Variants in GABRA5 observed in about 807,000 individuals in gnomAD.
GABRA5 encodes the protein gamma-aminobutyric acid type A receptor subunit alpha5.
In GABRA5, 18 loss-of-function variants were observed where a neutral mutation model predicts 47.3. That is an observed-to-expected ratio of 0.38 (90% CI 0.26 to 0.56). GABRA5 has a LOEUF of 0.56. GABRA5 is among the 20% of genes least tolerant of loss of function. The probability of loss-of-function intolerance (pLI) is 0.71; values close to 1 mark genes in which losing one functional copy is unlikely to be tolerated. For missense variants in GABRA5, 365 were observed against 599.3 expected (o/e 0.61, Z 4.08); for synonymous variants, 237 against 229.3 (o/e 1.03, Z -0.30).
At chr15:26,936,822 T>G (rs1894254509) in intron 7 of GABRA5, among the ~76,000 whole-genome samples, 1 of 152,138 alleles carries the variant, frequency 6.6e-6, no homozygotes, top group Non-Finnish European at 1.5e-5. Context: ...CATTCTATGA[T>G]GAAGGGACTG....
chr15:26,922,687 AT>A (rs74457686), intron 7 of GABRA5, among the ~76,000 whole-genome samples: 62,023 of 151,426 alleles, frequency 0.41, 12,986 homozygotes, highest in Middle Eastern at 0.6. Context: ...TTCCATTTTG[AT>A]TTATTTATAA....
chr15:26,884,532 T>C (rs752321208), intron 6 of GABRA5, among the ~76,000 whole-genome samples: 1 of 152,144 alleles, frequency 6.6e-6, no homozygotes, highest in African/African-American at 2.4e-5. Flanking sequence ...TCCTTTTGCA[T>C]AGGTACTGGA....
At chr15:26,941,189 G>A (rs1336744988) in intron 9 of GABRA5, among the ~76,000 whole-genome samples, 1 of 152,078 alleles carries the variant, frequency 6.6e-6, no homozygotes, top group South Asian at 2.1e-4. Context: ...AAGGTGTGGA[G>A]GTTGGCTGGT....
chr15:26,877,852 C>T (rs1806522733), intron 3 of GABRA5, among the ~76,000 whole-genome samples: 1 of 152,170 alleles, frequency 6.6e-6, no homozygotes, highest in Non-Finnish European at 1.5e-5. Context: ...ACCAAATTTT[C>T]AAATATTTCT....
chr15:26,919,354 T>TA (rs1893790547), intron 7 of GABRA5, among the ~76,000 whole-genome samples: 1 of 42,192 alleles, frequency 2.4e-5, no homozygotes, highest in African/African-American at 1.6e-4. Flanking sequence ...TGCTTCATTA[T>TA]TTTTTTTGTA....
intron 7 of GABRA5, among the ~76,000 whole-genome samples, chr15:26,925,920 C>T (rs986534385): frequency 4.6e-5 from 7 of 152,304 alleles, no homozygotes; most frequent in African/African-American, 1.7e-4. Context: ...TTATGCTCCC[C>T]GCATGCATAT....
intron 7 of GABRA5, among the ~76,000 whole-genome samples, chr15:26,916,734 C>T (rs983809379): frequency 1.1e-4 from 17 of 151,800 alleles, no homozygotes; most frequent in Non-Finnish European, 2.1e-4. Context: ...TTTGTGTTTT[C>T]TTTAATTTAT....
At chr15:26,932,166 A>G (rs897269171) in intron 7 of GABRA5, among the ~76,000 whole-genome samples, 4 of 152,236 alleles carry the variant, frequency 2.6e-5, no homozygotes, top group African/African-American at 4.8e-5. Context: ...AGACACTATC[A>G]TCAGTGTGAA....
chr15:26,921,006 CTGTT>C (rs1893830694), intron 7 of GABRA5, among the ~76,000 whole-genome samples: 1 of 152,110 alleles, frequency 6.6e-6, no homozygotes, highest in Admixed American at 6.6e-5. Flanking sequence ...GGAATAAACT[CTGTT>C]TGGTTATCAC....
chr15:26,917,607 GT>G (rs1363208282), intron 7 of GABRA5, among the ~76,000 whole-genome samples: 2 of 151,612 alleles, frequency 1.3e-5, no homozygotes, highest in African/African-American at 2.4e-5. Context: ...TTCCTCTTTA[GT>G]TTTTTTTGAA....
intron 3 of GABRA5, among the ~76,000 whole-genome samples, chr15:26,869,882 C>T (rs1892421120): frequency 6.6e-6 from 1 of 152,180 alleles, no homozygotes. Context: ...TGAAAGACAC[C>T]CCTGAGGTTC....
chr15:26,928,976 C>T (rs540055780), intron 7 of GABRA5, among the ~76,000 whole-genome samples: 8 of 152,248 alleles, frequency 5.3e-5, no homozygotes, highest in South Asian at 2.1e-4. Flanking sequence ...CACCTCCCAA[C>T]GCCCCACCTG....
rs572825607 is a variant in GABRA5, at chr15:26,896,141, T to A, written c.497+12584T>A. 1.9e-3 allele frequency among the ~76,000 whole-genome samples: 285 copies of A among 152,354 alleles called. 1 individual carries two copies. Among genetic ancestry groups the A allele is most frequent in the African/African-American group, 6.5e-3 (270 of 41,572 alleles). On this transcript the variant is annotated intron_variant, in intron 6 of 10. Coordinates refer to ENST00000335625, the MANE Select transcript of GABRA5 (RefSeq NM_000810.4). ...ACAGAGTCTTCGATGATTTGGAATG[T>A]ATTTTCTTCCTTTTTAAGGGCTCTG...
Position 26,892,176 on chromosome 15 carries a change from C to A in GABRA5, c.497+8619C>A, listed in dbSNP as rs143955807. On this transcript the variant is annotated intron_variant, in intron 6 of 10. Transcript: ENST00000335625. ...TCCGGAGTTTTTGTGGTCTTCACTC[C>A]TATGATTTGCACTGTCTGAAACGGT... Among the ~76,000 whole-genome samples the A allele has an allele frequency of 8.4e-4, 128 of 152,352 alleles. 1 individual carries two copies. Among genetic ancestry groups the A allele is most frequent in the African/African-American group, 2.9e-3 (119 of 41,592 alleles).
chr15:26,931,368 G>A (rs568749728), intron 7 of GABRA5, among the ~76,000 whole-genome samples: 1 of 152,262 alleles, frequency 6.6e-6, no homozygotes, highest in South Asian at 2.1e-4. Flanking sequence ...TTCACAGACG[G>A]CCATGTTCTC....
intron 6 of GABRA5, among the ~76,000 whole-genome samples, chr15:26,894,609 A>G (rs146827417): frequency 0.033 from 5,083 of 152,166 alleles, 300 homozygotes; most frequent in African/African-American, 0.12. Context: ...CTTCATCGGA[A>G]TTCCTTGGCC....
chr15:26,888,648 T>G (rs1248865785), intron 6 of GABRA5, among the ~76,000 whole-genome samples: 1 of 152,192 alleles, frequency 6.6e-6, no homozygotes, highest in Non-Finnish European at 1.5e-5. Context: ...GCCACCTGTT[T>G]CAGAGACCCC....
Position 26,948,132 on chromosome 15 carries a change from C to A in GABRA5, c.1288C>A (p.Arg430=), listed in dbSNP as rs1441101144. 1.9e-6 allele frequency: 3 copies of A among 1,613,484 alleles called. No individual in the cohort carries two copies. In the Admixed American group the frequency reaches 5.0e-5, roughly 27 times the overall value. The part of the protein sequence containing the change: ...NSISKIDKMS[R]IVFPVLFGTF... Reference sequence around the variant, plus strand: ...TATCAGCAAAATTGACAAAATGTCCCGAATCGTATTCCCAGTCTTGTTCGG... The same window carrying A: ...TATCAGCAAAATTGACAAAATGTCCAGAATCGTATTCCCAGTCTTGTTCGG... The change falls in exon 11 of 11, where the codon CGA becomes AGA. Residue 430 remains arginine (R), a synonymous_variant. Coordinates refer to ENST00000335625, the MANE Select transcript of GABRA5 (RefSeq NM_000810.4).
rs1288367370 is a variant in GABRA5 at position 26,949,136 on chromosome 15, T to A, written c.*903T>A. The A allele has an allele frequency of 2.6e-5, 4 of 152,222 alleles. No homozygotes were observed. Among genetic ancestry groups the A allele is most frequent in the Admixed American group, 6.5e-5 (1 of 15,276 alleles). 9.4% of individuals were successfully genotyped at this position (152,222 alleles called of 1,614,324 possible). On this transcript the variant is annotated 3_prime_UTR_variant, in exon 11 of 11. Transcript: ENST00000335625. ...CTTGTATGTATTTCATGACTGGACTTACTGCTCTGTCAGCTTTTGTATATG... is the reference window on the plus strand; with the variant it reads ...CTTGTATGTATTTCATGACTGGACTAACTGCTCTGTCAGCTTTTGTATATG...
Sources: allele counts gnomAD v4.1 joint callset (sites outside exome capture counted in the v4.1 genomes callset), GRCh38; gene constraint gnomAD v4.1.1; transcripts MANE v1.5; gene names NCBI Gene and HGNC (gene_info 2026-07-23, HGNC 2026-07-21).